The following DLG2 variants were observed in gnomAD, a reference collection of about 807,000 sequenced individuals.
DLG2 encodes the protein disks large homolog 2.
DLG2 carries 45 observed loss-of-function variants against 132.5 expected under a neutral mutation model. The ratio of observed to expected loss-of-function variants is 0.34; its 90% CI spans 0.27 to 0.44. The LOEUF (loss-of-function observed/expected upper bound fraction) is 0.44. Among genes scored for constraint, DLG2 ranks in the 20% least tolerant of loss-of-function variants. DLG2 has a pLI of 1.00. For synonymous variants in DLG2, 424 were observed against 419.6 expected (o/e 1.01, Z -0.13); for missense variants, 1,045 against 1,196.9 (o/e 0.87, Z 1.87).
chr11:84,351,134 A>G (rs2098566119), intron 7 of DLG2, among the ~76,000 whole-genome samples: 1 of 152,152 alleles, frequency 6.6e-6, no homozygotes, highest in Non-Finnish European at 1.5e-5. Flanking sequence ...GATGAAAAAA[A>G]AAGTTTATTT....
chr11:84,511,404 A>G (rs1005907466), intron 7 of DLG2, among the ~76,000 whole-genome samples: 3 of 152,134 alleles, frequency 2.0e-5, no homozygotes, highest in African/African-American at 7.2e-5. Flanking sequence ...TTGGACCACA[A>G]ATTGAATGAA....
chr11:83,840,384 G>A (rs2057282612), intron 16 of DLG2, among the ~76,000 whole-genome samples: 1 of 152,084 alleles, frequency 6.6e-6, no homozygotes, highest in South Asian at 2.1e-4. Context: ...AGTGATTAAG[G>A]TCTCCATTTC....
chr11:85,393,738 G>A (rs7103635), intron 3 of DLG2, among the ~76,000 whole-genome samples: 7,502 of 151,496 alleles, frequency 0.05, 212 homozygotes, highest in African/African-American at 0.059. Flanking sequence ...TATATAATAT[G>A]TATGTATATT....
At chr11:85,336,544 C>T (rs1158197598) in intron 3 of DLG2, 3 of 160,376 alleles carry the variant, frequency 1.9e-5, no homozygotes, top group African/African-American at 7.2e-5. Context: ...CTCCACTTCT[C>T]TGAGACCTCA....
At chr11:84,156,818 G>T (rs1303480296) in intron 9 of DLG2, among the ~76,000 whole-genome samples, 2 of 152,142 alleles carry the variant, frequency 1.3e-5, no homozygotes, top group Admixed American at 6.5e-5. Context: ...TTAGTGAATT[G>T]CCAGGTAAGA....
chr11:85,139,258 C>T (rs1309090153), intron 5 of DLG2, among the ~76,000 whole-genome samples: 1 of 152,020 alleles, frequency 6.6e-6, no homozygotes, highest in African/African-American at 2.4e-5. Flanking sequence ...GGCAATCTCA[C>T]CAGTGTTTAG....
At chr11:84,276,133 C>A (rs2097781347) in intron 7 of DLG2, among the ~76,000 whole-genome samples, 2 of 152,106 alleles carry the variant, frequency 1.3e-5, no homozygotes, top group Admixed American at 1.3e-4. Context: ...ACCAATATTA[C>A]CTTTAACCAA....
chr11:83,877,000 T>C (rs2064941724), intron 15 of DLG2, among the ~76,000 whole-genome samples: 1 of 152,138 alleles, frequency 6.6e-6, no homozygotes. Flanking sequence ...GCAATGAACA[T>C]GTTGATATCA....
chr11:85,577,147 T>C (rs2078205344), intron 3 of DLG2, among the ~76,000 whole-genome samples: 1 of 152,158 alleles, frequency 6.6e-6, no homozygotes, highest in Admixed American at 6.6e-5. Flanking sequence ...TGAAAGATTT[T>C]TAAAATACTG....
intron 3 of DLG2, among the ~76,000 whole-genome samples, chr11:85,362,144 G>A (rs1057321546): frequency 6.6e-6 from 1 of 151,990 alleles, no homozygotes; most frequent in Non-Finnish European, 1.5e-5. Flanking sequence ...TTTGTAGAGA[G>A]GGAGTCTCAC....
intron 18 of DLG2, among the ~76,000 whole-genome samples, chr11:83,750,857 T>C (rs2093259859): frequency 6.6e-6 from 1 of 152,182 alleles, no homozygotes; most frequent in Admixed American, 6.5e-5. Context: ...AGTCCAGATA[T>C]GGAGTAGACA....
At chr11:85,358,016 G>T (rs1163926402) in intron 3 of DLG2, among the ~76,000 whole-genome samples, 1 of 151,500 alleles carries the variant, frequency 6.6e-6, no homozygotes, top group Non-Finnish European at 1.5e-5. Context: ...AAAGGAAAAG[G>T]ATCAGCCTCT....
chr11:85,073,081 C>G (rs1228773737), intron 6 of DLG2, among the ~76,000 whole-genome samples: 1 of 151,860 alleles, frequency 6.6e-6, no homozygotes, highest in East Asian at 1.9e-4. Context: ...GGCCAAAACA[C>G]ATTTTATCAT....
chr11:84,051,634 GA>G (rs1282130038), intron 11 of DLG2, among the ~76,000 whole-genome samples: 3 of 122,334 alleles, frequency 2.5e-5, no homozygotes, highest in African/African-American at 9.1e-5. Context: ...TGGGGTGGGG[GA>G]GGGGGGAGGG....
intron 6 of DLG2, among the ~76,000 whole-genome samples, chr11:84,744,184 G>C (rs1847062609): frequency 6.6e-6 from 1 of 152,114 alleles, no homozygotes; most frequent in Non-Finnish European, 1.5e-5. Flanking sequence ...CAACAACAAG[G>C]ACATAGCCCA....
intron 12 of DLG2, 108 bp downstream of exon 12, chr11:83,980,398 C>A: frequency 1.6e-6 from 2 of 1,253,196 alleles, no homozygotes; most frequent in South Asian, 1.8e-5. Flanking sequence ...TTTAAGCCAC[C>A]CACCCTGTGG....
chr11:84,868,608 T>C (rs1467434813), intron 6 of DLG2, among the ~76,000 whole-genome samples: 1 of 151,992 alleles, frequency 6.6e-6, no homozygotes, highest in Non-Finnish European at 1.5e-5. Flanking sequence ...TGAAAGGAAA[T>C]AGGAGTGTGT....
intron 6 of DLG2, among the ~76,000 whole-genome samples, chr11:84,882,311 C>G (rs1316287745): frequency 2.0e-5 from 3 of 148,666 alleles, no homozygotes; most frequent in Non-Finnish European, 4.4e-5. Context: ...CTTAAACAAA[C>G]AAAAGGCAAA....
At chr11:85,467,080 T>C (rs957871028) in intron 3 of DLG2, among the ~76,000 whole-genome samples, 1 of 152,216 alleles carries the variant, frequency 6.6e-6, no homozygotes, top group African/African-American at 2.4e-5. Flanking sequence ...CAACTGTGAA[T>C]GGGAGTTCAC....
Sources: allele counts gnomAD v4.1 joint callset (sites outside exome capture counted in the v4.1 genomes callset), GRCh38; gene constraint gnomAD v4.1.1; transcripts MANE v1.5; gene names NCBI Gene and HGNC (gene_info 2026-07-23, HGNC 2026-07-21).